The following ATF2 variants were observed in gnomAD, a reference collection of about 807,000 sequenced individuals.
The protein encoded by ATF2 is cyclic AMP-dependent transcription factor ATF-2.
Under a neutral mutation model 60.6 loss-of-function variants are expected in ATF2, and 24 were observed. The observed-to-expected ratio is 0.40, with a 90% CI of 0.29 to 0.56. The LOEUF (loss-of-function observed/expected upper bound fraction) is 0.56, where lower values mean the gene tolerates loss of function less well. Among genes scored for constraint, ATF2 ranks in the 20% least tolerant of loss-of-function variants. ATF2 has a pLI of 0.54. For synonymous variants in ATF2, 206 were observed against 215.4 expected, an observed-to-expected ratio of 0.96 and a Z score of 0.38; for missense variants, 433 against 607.7, an observed-to-expected ratio of 0.71 and a Z score of 3.02.
chr2:175,080,514 G>A, intron 13 of ATF2, 146 bp downstream of exon 13: 1 of 565,168 alleles, frequency 1.8e-6, no homozygotes, highest in Non-Finnish European at 2.9e-6. Flanking sequence ...CCTCTCTACT[G>A]CATTCTATAA....
chr2:175,142,492 C>T (rs531149702), intron 2 of ATF2, among the ~76,000 whole-genome samples: 68 of 152,160 alleles, frequency 4.5e-4, no homozygotes, highest in African/African-American at 1.6e-3. Flanking sequence ...TAAGATAGTT[C>T]CACATACAAA....
At chr2:175,151,896 G>T (rs1699337341) in intron 1 of ATF2, among the ~76,000 whole-genome samples, 1 of 152,118 alleles carries the variant, frequency 6.6e-6, no homozygotes, top group Admixed American at 6.5e-5. Flanking sequence ...CACATCTGCT[G>T]ATCAGACAGC....
intron 2 of ATF2, among the ~76,000 whole-genome samples, chr2:175,137,298 TGA>T (rs1036235385): frequency 1.3e-5 from 2 of 152,124 alleles, no homozygotes; most frequent in Non-Finnish European, 2.9e-5. Context: ...AATTTTTATC[TGA>T]GAGGGTTCCA....
chr2:175,167,981 T>G (rs1700484865), intron 1 of ATF2, 69 bp downstream of exon 1: 1 of 328,002 alleles, frequency 3.0e-6, no homozygotes, highest in Non-Finnish European at 6.2e-6. Flanking sequence ...GACGTCGCCA[T>G]GTTAGCGCCT....
intron 9 of ATF2, among the ~76,000 whole-genome samples, chr2:175,111,906 A>T (rs1375532803): frequency 6.6e-6 from 1 of 152,224 alleles, no homozygotes; most frequent in East Asian, 1.9e-4. Context: ...GGTCCCTGTT[A>T]GAAATTCATA....
rs577940866 is a variant in ATF2, at chr2:175,130,015, TC to T, written c.102+122del. ...TGCCAAAAGTTTCCTGGGTTTTTTT[TC>T]ATCCTAACTCTAAAATTTTACAGAA... is the stretch of plus-strand genomic sequence containing the variant. On this transcript the variant is annotated intron_variant, in intron 4 of 13. Transcript: ENST00000264110. The T allele has an allele frequency of 2.7e-5, 20 of 743,750 alleles. No individual in the cohort carries two copies. In the South Asian group the frequency reaches 5.0e-4, roughly 19 times the overall value. 46.1% of individuals were successfully genotyped at this position (743,750 alleles called of 1,614,324 possible). A position where few individuals can be genotyped will look rare whatever the true frequency, so the allele number is the denominator to read the frequency against.
In ATF2 at chr2:175,074,653, T is replaced by C. The variant is rs749822996; in HGVS notation, c.1474A>G (p.Ile492Val). 4 of 1,613,238 alleles carry C rather than the reference T, an allele frequency of 2.5e-6. No individual in the cohort carries two copies. The highest frequency in any genetic ancestry group is 3.4e-6 in the Non-Finnish European group (4 of 1,179,608). ...GACTGGGAGGAAGGAGCCATAACGATCTGTGAAAGAGCAGGCTCTGTACTC... is the reference window on the plus strand; with the variant it reads ...GACTGGGAGGAAGGAGCCATAACGACCTGTGAAAGAGCAGGCTCTGTACTC... ...DQSTEPALSQ[I>V]VMAPSSQSQP... The change falls in exon 14 of 14, where the codon ATC (isoleucine) becomes GTC (valine). Residue 492 changes from isoleucine to valine, a missense_variant. Ile to Val is a conservative substitution (Grantham distance 29, BLOSUM62 3). This residue lies in a region of ATF2 where 114 missense variants were observed against 104.0 expected (regional missense o/e 1.10). Coordinates refer to ENST00000264110, the MANE Select transcript of ATF2 (RefSeq NM_001880.4).
At chr2:175,082,259 C>T (rs371974619) in intron 12 of ATF2, among the ~76,000 whole-genome samples, 1 of 151,972 alleles carries the variant, frequency 6.6e-6, no homozygotes, top group African/African-American at 2.4e-5. Context: ...AACTCTAAAC[C>T]GTTAATTAAA....
rs1463949371 is a variant in ATF2 at position 175,114,018 on chromosome 2, A to G, written c.717T>C (p.Asn239=). The part of the protein sequence containing the change: ...VAIPASITSS[N]VHVPAAVPLV... The stretch of plus-strand genomic sequence containing the variant: ...CTGGGACTGCAGCTGGAACATGCAC[A>G]TTAGAACTTGTAATTGATGCAGGAA... The change falls in exon 9 of 14, where the codon AAT becomes AAC. Residue 239 remains asparagine (N), a synonymous_variant. Coordinates refer to ENST00000264110, the MANE Select transcript of ATF2 (RefSeq NM_001880.4). The G allele has an allele frequency of 1.2e-6, 2 of 1,611,910 alleles. No individual in the cohort carries two copies. The highest frequency in any genetic ancestry group is 1.3e-5 in the African/African-American group (1 of 74,760).
chr2:175,151,416 T>TTAACAATTTCAA (rs1312167821), intron 1 of ATF2, among the ~76,000 whole-genome samples: 1 of 152,068 alleles, frequency 6.6e-6, no homozygotes, highest in African/African-American at 2.4e-5. Context: ...ATTAGAGGTA[T>TTAACAATTTCAA]TAACAATTTC....
chr2:175,163,782 G>T lies in ATF2; in HGVS notation c.-143+4268C>A, dbSNP rs578105204. Among the ~76,000 whole-genome samples, 237 of 151,480 alleles carry T rather than the reference G, an allele frequency of 1.6e-3. 2 individuals carry two copies. Among genetic ancestry groups the T allele is most frequent in the African/African-American group, 5.5e-3 (227 of 41,338 alleles). ...TATTAAAAATACAAAAATTAGCCAG[G>T]TGTGGTGGCGGGCACCTGTAATCCC... is the stretch of plus-strand genomic sequence containing the variant. On this transcript the variant is annotated intron_variant, in intron 1 of 13. Coordinates refer to ENST00000264110, the MANE Select transcript of ATF2 (RefSeq NM_001880.4).
At chr2:175,110,730 C>T (rs921735324) in intron 10 of ATF2, among the ~76,000 whole-genome samples, 22 of 152,024 alleles carry the variant, frequency 1.4e-4, no homozygotes, top group African/African-American at 5.1e-4. Context: ...CTCAGCCACC[C>T]GAGTAGCTAG....
chr2:175,133,125 G>C (rs974002304), intron 3 of ATF2, among the ~76,000 whole-genome samples: 8 of 151,846 alleles, frequency 5.3e-5, no homozygotes, highest in African/African-American at 1.9e-4. Flanking sequence ...ATAAATCCCA[G>C]TGCTTTTATG....
chr2:175,080,232 T>A (rs1262998303), intron 13 of ATF2: 4 of 152,410 alleles, frequency 2.6e-5, no homozygotes, highest in Non-Finnish European at 2.9e-5. Context: ...TAGGATCTGA[T>A]ACCTTAAAGG....
chr2:175,097,664 C>A (rs1695022630), intron 10 of ATF2, 71 bp from the exon 11 acceptor site: 3 of 1,533,178 alleles, frequency 2.0e-6, no homozygotes, highest in Admixed American at 3.7e-5. Flanking sequence ...ACAAGACAAA[C>A]AATAGCACCT....
intron 2 of ATF2, among the ~76,000 whole-genome samples, chr2:175,145,184 C>T (rs1162120678): frequency 2.0e-5 from 3 of 151,996 alleles, no homozygotes; most frequent in African/African-American, 7.2e-5. Context: ...ACACTGAAAC[C>T]CCAATAAGCA....
At chr2:175,074,961 T>C (rs1462455439) in intron 13 of ATF2, 126 bp from the exon 14 acceptor site, 3 of 1,525,960 alleles carry the variant, frequency 2.0e-6, no homozygotes, top group African/African-American at 2.7e-5. Context: ...AAGTTGGTAT[T>C]ACAGCAATTG....
At chr2:175,132,905 G>A (rs962617541) in intron 3 of ATF2, 1 of 152,080 alleles carries the variant, frequency 6.6e-6, no homozygotes, top group Non-Finnish European at 1.5e-5. Flanking sequence ...GGCCAACATG[G>A]TGAAACCCTG....
chr2:175,134,136 T>C (rs1258120032), intron 3 of ATF2, among the ~76,000 whole-genome samples: 1 of 152,188 alleles, frequency 6.6e-6, no homozygotes, highest in Non-Finnish European at 1.5e-5. Context: ...GCATCTGTAC[T>C]AAACATGTAC....
Sources: allele counts gnomAD v4.1 joint callset (sites outside exome capture counted in the v4.1 genomes callset), GRCh38; gene constraint gnomAD v4.1.1; regional missense constraint gnomAD v4.1.1; transcripts MANE v1.5; gene names NCBI Gene and HGNC (gene_info 2026-07-23, HGNC 2026-07-21).